The following SLC9A9 variants were observed in gnomAD, a reference collection of about 807,000 sequenced individuals.
SLC9A9 encodes the protein sodium/hydrogen exchanger 9.
SLC9A9 carries 62 observed loss-of-function variants against 77.8 expected under a neutral mutation model. The ratio of observed to expected loss-of-function variants is 0.80; its 90% confidence interval spans 0.65 to 0.98. The LOEUF (loss-of-function observed/expected upper bound fraction) is 0.98. Ranked by LOEUF, SLC9A9 falls within the 50% of genes least tolerant of loss-of-function variation. SLC9A9 has a pLI of 0.00. For synonymous variants in SLC9A9, 320 were observed against 283.5 expected (o/e 1.13, Z -1.29); for missense variants, 775 against 774.9 (o/e 1.00, Z 0.00).
intron 2 of SLC9A9, among the ~76,000 whole-genome samples, chr3:143,831,693 G>A (rs985485362): frequency 2.0e-5 from 3 of 152,322 alleles, no homozygotes; most frequent in East Asian, 3.9e-4. Flanking sequence ...GAAAGCACAT[G>A]TGTGAAAACT....
At chr3:143,405,881 CAA>C (rs1233807677) in intron 12 of SLC9A9, among the ~76,000 whole-genome samples, 2 of 152,196 alleles carry the variant, frequency 1.3e-5, no homozygotes, top group Non-Finnish European at 2.9e-5. Context: ...TTTTCTTGAA[CAA>C]ATGCTTCTGG....
intron 9 of SLC9A9, among the ~76,000 whole-genome samples, chr3:143,518,587 T>A (rs2036243304): frequency 6.6e-6 from 1 of 152,220 alleles, no homozygotes; most frequent in Non-Finnish European, 1.5e-5. Context: ...TTATTGCATA[T>A]CTTAGTATCA....
At chr3:143,694,955 G>A (rs1264297040) in intron 4 of SLC9A9, among the ~76,000 whole-genome samples, 1 of 152,074 alleles carries the variant, frequency 6.6e-6, no homozygotes, top group African/African-American at 2.4e-5. Flanking sequence ...GATTCTAGAA[G>A]GGGAGGCTGA....
At chr3:143,767,714 T>C (rs2007372435) in intron 4 of SLC9A9, among the ~76,000 whole-genome samples, 1 of 152,158 alleles carries the variant, frequency 6.6e-6, no homozygotes, top group South Asian at 2.1e-4. Flanking sequence ...TTTTTTAAAG[T>C]TCAATACATG....
chr3:143,445,428 C>T (rs140065613), intron 12 of SLC9A9, among the ~76,000 whole-genome samples: 1 of 152,298 alleles, frequency 6.6e-6, no homozygotes, highest in Non-Finnish European at 1.5e-5. Context: ...AGACATGATA[C>T]ATGCCATGTC....
chr3:143,278,085 C>T (rs1433458061), intron 14 of SLC9A9, among the ~76,000 whole-genome samples: 4 of 152,124 alleles, frequency 2.6e-5, no homozygotes, highest in African/African-American at 4.8e-5. Flanking sequence ...CATCCATGTC[C>T]GTGCAGAGGA....
chr3:143,327,423 A>G (rs2031638519), intron 14 of SLC9A9, among the ~76,000 whole-genome samples: 2 of 152,338 alleles, frequency 1.3e-5, no homozygotes, highest in Middle Eastern at 6.8e-3. Context: ...AGCACATACC[A>G]TATGGAACAA....
intron 11 of SLC9A9, among the ~76,000 whole-genome samples, chr3:143,485,922 C>T (rs1056318669): frequency 6.6e-6 from 1 of 151,810 alleles, no homozygotes; most frequent in African/African-American, 2.4e-5. Context: ...AAGAGAGAGA[C>T]ATGAATATAA....
At chr3:143,334,397 G>C (rs1297055248) in intron 14 of SLC9A9, among the ~76,000 whole-genome samples, 1 of 152,222 alleles carries the variant, frequency 6.6e-6, no homozygotes, top group Non-Finnish European at 1.5e-5. Flanking sequence ...AAAAGTGATA[G>C]ATACCACAAG....
chr3:143,523,359 A>G (rs937213587), intron 9 of SLC9A9, among the ~76,000 whole-genome samples: 10 of 152,208 alleles, frequency 6.6e-5, no homozygotes, highest in African/African-American at 2.4e-4. Flanking sequence ...CAATACTCCA[A>G]GACCCTGAAG....
intron 5 of SLC9A9, among the ~76,000 whole-genome samples, chr3:143,686,272 A>G (rs1041317562): frequency 6.6e-6 from 1 of 152,226 alleles, no homozygotes; most frequent in African/African-American, 2.4e-5. Context: ...TAAGACTGAA[A>G]AGAGGAAAAA....
At chr3:143,819,429 G>C (rs957321875) in intron 2 of SLC9A9, among the ~76,000 whole-genome samples, 2 of 152,328 alleles carry the variant, frequency 1.3e-5, no homozygotes, top group Admixed American at 1.3e-4. Flanking sequence ...GCAGCATGGA[G>C]TTGTAGAAAG....
intron 12 of SLC9A9, among the ~76,000 whole-genome samples, chr3:143,394,956 A>G (rs1461921212): frequency 1.3e-5 from 2 of 152,232 alleles, no homozygotes; most frequent in Non-Finnish European, 2.9e-5. Flanking sequence ...AGAGGATACA[A>G]ACAAATGGGA....
chr3:143,585,096 C>T (rs942640193), intron 6 of SLC9A9, among the ~76,000 whole-genome samples: 1 of 152,296 alleles, frequency 6.6e-6, no homozygotes, highest in East Asian at 1.9e-4. Flanking sequence ...CATGATGGCA[C>T]CTCCATTTTG....
chr3:143,310,486 C>T (rs115533577), intron 14 of SLC9A9, among the ~76,000 whole-genome samples: 3 of 147,870 alleles, frequency 2.0e-5, no homozygotes, highest in Non-Finnish European at 3.0e-5. Context: ...GAAATGCAGG[C>T]GTGGTGTGGC....
chr3:143,777,340 A>G (rs753817406), intron 4 of SLC9A9, among the ~76,000 whole-genome samples: 47 of 152,204 alleles, frequency 3.1e-4, no homozygotes, highest in Non-Finnish European at 6.3e-4. Context: ...CTCCAGTAAA[A>G]TAAAATTTTG....
At chr3:143,618,002 A>G (rs1459386117) in intron 6 of SLC9A9, among the ~76,000 whole-genome samples, 6 of 152,206 alleles carry the variant, frequency 3.9e-5, no homozygotes, top group Admixed American at 3.3e-4. Context: ...AGGCTTTTGA[A>G]TAAGTCCAGA....
chr3:143,654,870 T>G (rs1467370731), intron 5 of SLC9A9, among the ~76,000 whole-genome samples: 1 of 152,186 alleles, frequency 6.6e-6, no homozygotes, highest in African/African-American at 2.4e-5. Context: ...TAACGAAAGC[T>G]TTGAGCTTTT....
intron 12 of SLC9A9, among the ~76,000 whole-genome samples, chr3:143,401,070 T>G (rs2033844693): frequency 6.6e-6 from 1 of 152,214 alleles, no homozygotes; most frequent in Non-Finnish European, 1.5e-5. Context: ...GGCTCTGGAA[T>G]GCAGACCAAT....
Sources: allele counts gnomAD v4.1 joint callset (sites outside exome capture counted in the v4.1 genomes callset), GRCh38; gene constraint gnomAD v4.1.1; transcripts MANE v1.5; gene names NCBI Gene and HGNC (gene_info 2026-07-23, HGNC 2026-07-21).